The following NMRAL1 variants were observed in gnomAD, a reference collection of about 807,000 sequenced individuals.
NMRAL1 encodes NmrA like redox sensor 1.
A neutral mutation model predicts 27.5 loss-of-function variants in NMRAL1; 32 were observed. The observed-to-expected ratio is 1.16, with a 90% CI of 0.88 to 1.56. NMRAL1 has a LOEUF of 1.56. NMRAL1 is among the 40% of genes most tolerant of loss of function. NMRAL1 has a pLI of 0.00. For synonymous variants in NMRAL1, 166 were observed against 166.8 expected (o/e 1.00, Z 0.04); for missense variants, 420 against 392.0 (o/e 1.07, Z -0.60).
chr16:4,465,830 A>G (rs1188233988), intron 4 of NMRAL1, among the ~76,000 whole-genome samples: 1 of 152,240 alleles, frequency 6.6e-6, no homozygotes, highest in Non-Finnish European at 1.5e-5. Context: ...GGCATAAGCC[A>G]CAGCGCCCGG....
At chr16:4,469,581 C>T (rs761215100) in intron 2 of NMRAL1, 116 bp from the exon 3 acceptor site, 47 of 1,531,630 alleles carry the variant, frequency 3.1e-5, no homozygotes, top group African/African-American at 8.3e-5. Context: ...ACCTTCTCAA[C>T]GACGATTCTC....
chr16:4,469,149 CCTGCAGAGTCG>C, intron 3 of NMRAL1, 67 bp downstream of exon 3: 1 of 915,482 alleles, frequency 1.1e-6, no homozygotes, highest in African/African-American at 1.6e-5. Context: ...CTCCAACCTC[CCTGCAGAGTCG>C]GAGCTCCTCC....
At chr16:4,463,390 G>C (rs1019165066) in intron 5 of NMRAL1, 2 of 513,098 alleles carry the variant, frequency 3.9e-6, no homozygotes, top group East Asian at 3.6e-5. Context: ...AGAGGAGCCC[G>C]GCAGGGCCTG....
intron 2 of NMRAL1, among the ~76,000 whole-genome samples, chr16:4,472,550 G>A (rs771243942): frequency 6.6e-6 from 1 of 152,134 alleles, no homozygotes; most frequent in Non-Finnish European, 1.5e-5. Context: ...TTTGAGACCA[G>A]CCTGGCCACA....
chr16:4,471,767 A>C (rs1386924219), intron 2 of NMRAL1, among the ~76,000 whole-genome samples: 1 of 152,044 alleles, frequency 6.6e-6, no homozygotes, highest in Non-Finnish European at 1.5e-5. Context: ...ATTTACACAG[A>C]AATGCATCAA....
chr16:4,469,226 C>G lies in NMRAL1; in HGVS notation c.279+1G>C. 6.2e-7 allele frequency: 1 copy of G among 1,611,188 alleles called. No individual in the cohort carries two copies. The highest frequency in any genetic ancestry group is 8.5e-7 in the Non-Finnish European group (1 of 1,177,752). ...TCCCTGCAGCTCCTGCCTGCCCTCA[C>G]CTGCTTGACCTCCTGCTCCTGGCTG... On this transcript the variant is annotated splice_donor_variant, in intron 3 of 5. Coordinates refer to ENST00000283429, the MANE Select transcript of NMRAL1 (RefSeq NM_020677.6). LOFTEE classifies it high-confidence loss of function.
Position 4,463,645 on chromosome 16 carries a change from GGGC to G in NMRAL1, c.720+12_720+14del. On this transcript the variant is annotated intron_variant, in intron 5 of 5. Coordinates refer to ENST00000283429, the MANE Select transcript of NMRAL1 (RefSeq NM_020677.6). ...CTGACAAGGATGCCTGAGTCACCTG[GGGC>G]GGGAGGCCCACCTTGGCATCGTGCA... 6.2e-7 allele frequency: 1 copy of G among 1,611,596 alleles called. No individual in the cohort carries two copies. The highest frequency in any genetic ancestry group is 8.5e-7 in the Non-Finnish European group (1 of 1,179,688).
rs59721351 is a variant in NMRAL1 at position 4,468,640 on chromosome 16, T to C, written c.279+587A>G. 1.9e-3 allele frequency among the ~76,000 whole-genome samples: 287 copies of C among 148,530 alleles called. 1 individual carries two copies. The highest frequency in any genetic ancestry group is 6.9e-3 in the African/African-American group (271 of 39,282). ...CAAAAAAAAAAAAAAAAAAAAGATC[T>C]GCGTTAATCAGAGAAGTTGTCTTTG... On this transcript the variant is annotated intron_variant, in intron 3 of 5. Transcript: ENST00000283429.
At position 4,465,368 on chromosome 16, in the gene NMRAL1, C is replaced by T. The variant is rs531449939; in HGVS notation, c.529+785G>A. 2.6e-5 allele frequency among the ~76,000 whole-genome samples: 4 copies of T among 152,276 alleles called. 1 individual carries two copies. The South Asian group carries it at 6.2e-4, about 24-fold the overall frequency. Reference sequence around the variant, plus strand: ...AGGAGTGGCCAGCCAGAGGCACCAACCCCTCCTGCCCTGATCACTGAGTGA... The same window carrying T: ...AGGAGTGGCCAGCCAGAGGCACCAATCCCTCCTGCCCTGATCACTGAGTGA... On this transcript the variant is annotated intron_variant, in intron 4 of 5. Coordinates refer to ENST00000283429, the MANE Select transcript of NMRAL1 (RefSeq NM_020677.6).
Position 4,461,978 on chromosome 16 carries a change from G to A in NMRAL1, c.721-19C>T, listed in dbSNP as rs2057130698. 1 of 1,599,200 alleles carries A rather than the reference G, an allele frequency of 6.3e-7. No homozygotes were observed. The highest frequency in any genetic ancestry group is 1.3e-5 in the African/African-American group (1 of 74,754). On this transcript the variant is annotated intron_variant, in intron 5 of 5. Coordinates refer to ENST00000283429, the MANE Select transcript of NMRAL1 (RefSeq NM_020677.6). Reference sequence around the variant, plus strand: ...GAGTCATCTGGAAGCAGAGGAGCCTGTCGTGGCCGGCGTCCTCCAGTGCCC... The same window carrying A: ...GAGTCATCTGGAAGCAGAGGAGCCTATCGTGGCCGGCGTCCTCCAGTGCCC...
rs1299089357 is a variant in NMRAL1 at position 4,466,229 on chromosome 16, C to T, written c.453G>A (p.Arg151=). The change falls in exon 4 of 6, where the codon CGG becomes CGA. Residue 151 remains arginine (R), a synonymous_variant. Coordinates refer to ENST00000283429, the MANE Select transcript of NMRAL1 (RefSeq NM_020677.6). ...GGAGGTTCTCAAAATAGCAGGGCAGCCGCACACTGGTCATGGGAACGCCAA... is the reference window on the plus strand; with the variant it reads ...GGAGGTTCTCAAAATAGCAGGGCAGTCGCACACTGGTCATGGGAACGCCAA... ...RDIGVPMTSV[R]LPCYFENLLS... is the part of the protein sequence containing the mutation. The T allele has an allele frequency of 6.2e-7, 1 of 1,614,026 alleles. No individual in the cohort carries two copies. The highest frequency in any genetic ancestry group is 8.5e-7 in the Non-Finnish European group (1 of 1,180,040).
At position 4,466,208 on chromosome 16, in the gene NMRAL1, G is replaced by C. The variant is rs376934274; in HGVS notation, c.474C>G (p.Asn158Lys). 10 of 1,614,066 alleles carry C rather than the reference G, an allele frequency of 6.2e-6. No individual in the cohort carries two copies. The African/African-American group carries it at 1.2e-4, about 19-fold the overall frequency. Reference protein sequence around the residue: ...TSVRLPCYFENLLSHFLPQKA... With the variant: ...TSVRLPCYFEKLLSHFLPQKA... ...TCTGGGGCAAGAAGTGGGAGAGGAG[G>C]TTCTCAAAATAGCAGGGCAGCCGCA... Residue 158 changes from asparagine to lysine, a missense_variant, in exon 4 of 6, where the codon AAC becomes AAG. By Grantham distance (94) the Asn-to-Lys change is moderately conservative (BLOSUM62 0). Coordinates refer to ENST00000283429, the MANE Select transcript of NMRAL1 (RefSeq NM_020677.6).
rs1279765428 is a variant in NMRAL1 at position 4,469,369 on chromosome 16, T to A, written c.137A>T (p.Glu46Val). ...TACTTCTGCACCTTGCAGCCTCAGC[T>A]CCTTTGCTGCCTTCTTCCTAGGGTT... ...TRNPRKKAAK[E>V]LRLQGAEVVQ... Residue 46 changes from glutamate to valine, a missense_variant, in exon 3 of 6, where the codon GAG becomes GTG. Coordinates refer to ENST00000283429, the MANE Select transcript of NMRAL1 (RefSeq NM_020677.6). 6 of 1,614,088 alleles carry A rather than the reference T, an allele frequency of 3.7e-6. No individual in the cohort carries two copies. The South Asian group carries it at 4.4e-5, about 12-fold the overall frequency.
chr16:4,462,931 T>A (rs911246793), intron 5 of NMRAL1, among the ~76,000 whole-genome samples: 1 of 151,928 alleles, frequency 6.6e-6, no homozygotes, highest in African/African-American at 2.4e-5. Flanking sequence ...CTCGGCTCGC[T>A]GCAAACTCTG....
upstream of NMRAL1, among the ~76,000 whole-genome samples, chr16:4,475,697 G>C (rs1033197958): frequency 4.6e-5 from 7 of 151,966 alleles, no homozygotes; most frequent in African/African-American, 1.7e-4. Flanking sequence ...CAGTGATTTG[G>C]GAGGCCGAGG....
intron 2 of NMRAL1, among the ~76,000 whole-genome samples, chr16:4,470,241 G>A (rs2057508092): frequency 6.6e-6 from 1 of 150,954 alleles, no homozygotes; most frequent in Non-Finnish European, 1.5e-5. Context: ...AGGCCGAGGG[G>A]GGTAGATCAC....
At chr16:4,473,098 T>C (rs79193705) in intron 2 of NMRAL1, among the ~76,000 whole-genome samples, 17,419 of 150,500 alleles carry the variant, frequency 0.12, 2,093 homozygotes, top group African/African-American at 0.3. Context: ...CTCAACCTCC[T>C]AGGTAGCTAT....
chr16:4,474,266 A>C (rs897172934), intron 1 of NMRAL1, 100 bp from the exon 2 acceptor site: 7 of 840,728 alleles, frequency 8.3e-6, no homozygotes, highest in Non-Finnish European at 1.3e-5. Context: ...TATGTGTCGA[A>C]GGGGGCGGCT....
At chr16:4,475,419 T>A (rs1014454861), upstream of NMRAL1, among the ~76,000 whole-genome samples, 1 of 151,894 alleles carries the variant, frequency 6.6e-6, no homozygotes, top group African/African-American at 2.4e-5. Context: ...GTGATTCTCC[T>A]GCCTCAGTTT....
Sources: gnomAD v4.1 joint callset for allele counts (sites outside exome capture counted in the v4.1 genomes callset) on GRCh38, gnomAD v4.1.1 for gene constraint, MANE v1.5 for transcripts, NCBI Gene and HGNC (gene_info 2026-07-23, HGNC 2026-07-21) for gene names.